Variants in PLPPR1 observed in about 807,000 individuals in gnomAD.
The protein encoded by PLPPR1 is phospholipid phosphatase related 1, also known as phospholipid phosphatase-related protein type 1.
Under a neutral mutation model 33.1 loss-of-function variants are expected in PLPPR1, and 10 were observed. The ratio of observed to expected loss-of-function variants is 0.30; its 90% CI spans 0.19 to 0.51. The LOEUF (loss-of-function observed/expected upper bound fraction) is 0.51. PLPPR1 is among the 20% of genes least tolerant of loss of function. PLPPR1 has a pLI of 0.97. For synonymous variants in PLPPR1, 151 were observed against 151.0 expected (o/e 1.00, Z 0.00); for missense variants, 304 against 408.1 (o/e 0.74, Z 2.20).
chr9:101,140,064 T>C (rs2118629780), intron 1 of PLPPR1, among the ~76,000 whole-genome samples: 1 of 152,256 alleles, frequency 6.6e-6, no homozygotes, highest in East Asian at 1.9e-4. Context: ...TGTGAATCTA[T>C]AACCTCCTCA....
At chr9:101,059,587 A>G (rs891468993) in intron 1 of PLPPR1, among the ~76,000 whole-genome samples, 3 of 152,130 alleles carry the variant, frequency 2.0e-5, no homozygotes, top group African/African-American at 7.2e-5. Flanking sequence ...GTTAATATCC[A>G]AAATATATAA....
chr9:101,053,704 C>G (rs1327834632), intron 1 of PLPPR1, among the ~76,000 whole-genome samples: 2 of 152,128 alleles, frequency 1.3e-5, no homozygotes. Context: ...GAAAGTACTT[C>G]TGTGTGGCTG....
intron 2 of PLPPR1, among the ~76,000 whole-genome samples, chr9:101,198,081 TAATA>T (rs57621895): frequency 0.13 from 19,560 of 152,186 alleles, 1,486 homozygotes; most frequent in East Asian, 0.3. Context: ...TATTTTAGAT[TAATA>T]AATTGTTCAT....
At chr9:101,078,318 C>T (rs1163668156) in intron 1 of PLPPR1, among the ~76,000 whole-genome samples, 7 of 148,832 alleles carry the variant, frequency 4.7e-5, no homozygotes, top group Non-Finnish European at 1.0e-4. Flanking sequence ...GTGAGCAGGT[C>T]CTGTTCAGAG....
At chr9:101,110,753 A>G (rs1330623389) in intron 1 of PLPPR1, among the ~76,000 whole-genome samples, 5 of 152,284 alleles carry the variant, frequency 3.3e-5, no homozygotes, top group Middle Eastern at 3.4e-3. Context: ...GCAGGGTGGC[A>G]TGGAGGAAGA....
chr9:101,116,661 A>G (rs1333613097), intron 1 of PLPPR1, among the ~76,000 whole-genome samples: 3 of 152,118 alleles, frequency 2.0e-5, no homozygotes, highest in Non-Finnish European at 4.4e-5. Flanking sequence ...AAAAATACAA[A>G]AAAGCTGGGT....
chr9:101,073,566 T>C (rs772811012), intron 1 of PLPPR1, among the ~76,000 whole-genome samples: 5 of 152,048 alleles, frequency 3.3e-5, no homozygotes, highest in Non-Finnish European at 7.4e-5. Flanking sequence ...GGTGGAGAAA[T>C]TGATTGTAGA....
At chr9:101,181,875 C>T (rs560009686) in intron 1 of PLPPR1, among the ~76,000 whole-genome samples, 1 of 148,426 alleles carries the variant, frequency 6.7e-6, no homozygotes, top group East Asian at 2.0e-4. Context: ...TATACACACA[C>T]ATATATATAC....
intron 1 of PLPPR1, among the ~76,000 whole-genome samples, chr9:101,173,476 T>A (rs1825975347): frequency 6.6e-6 from 1 of 152,142 alleles, no homozygotes; most frequent in East Asian, 1.9e-4. Context: ...ACAGCCCTGC[T>A]TTCTTCTGGA....
chr9:101,286,645 A>G (rs1460748098), intron 4 of PLPPR1, among the ~76,000 whole-genome samples: 1 of 152,164 alleles, frequency 6.6e-6, no homozygotes, highest in African/African-American at 2.4e-5. Flanking sequence ...TTTAACAAAG[A>G]GTGGGAAATC....
intron 2 of PLPPR1, among the ~76,000 whole-genome samples, chr9:101,195,320 C>T (rs913490424): frequency 6.6e-6 from 1 of 151,964 alleles, no homozygotes; most frequent in African/African-American, 2.4e-5. Flanking sequence ...TTCTTTATAG[C>T]CTAAATGATT....
At chr9:101,071,516 G>T (rs573562801) in intron 1 of PLPPR1, among the ~76,000 whole-genome samples, 1 of 152,152 alleles carries the variant, frequency 6.6e-6, no homozygotes, top group South Asian at 2.1e-4. Context: ...CTCCAGTGGG[G>T]AATGAGACAG....
At chr9:101,214,792 G>T (rs1826755843) in intron 2 of PLPPR1, among the ~76,000 whole-genome samples, 1 of 152,176 alleles carries the variant, frequency 6.6e-6, no homozygotes, top group Non-Finnish European at 1.5e-5. Flanking sequence ...GGAGGCCGAG[G>T]CAGGCAGATC....
rs143639865 is a variant in PLPPR1, at chr9:101,169,622, C to G, written c.-45-15828C>G. ...ATTGTTGTCTTAAAAAGACTAGTCT[C>G]TAACAGAGATGGCTTACTTTTTTAG... is the stretch of plus-strand genomic sequence containing the variant. On this transcript the variant is annotated intron_variant, in intron 1 of 7. Coordinates refer to ENST00000374874, the MANE Select transcript of PLPPR1 (RefSeq NM_207299.2). Among the ~76,000 whole-genome samples the G allele has an allele frequency of 3.6e-3, 548 of 152,114 alleles. 7 individuals are homozygous for G. The highest frequency in any genetic ancestry group is 0.013 in the African/African-American group (528 of 41,492).
intron 2 of PLPPR1, among the ~76,000 whole-genome samples, chr9:101,251,889 T>G (rs1361736551): frequency 6.6e-6 from 1 of 152,140 alleles, no homozygotes; most frequent in Non-Finnish European, 1.5e-5. Flanking sequence ...TTACATATTT[T>G]TAAATCTACC....
chr9:101,137,411 C>T (rs1831389732), intron 1 of PLPPR1, among the ~76,000 whole-genome samples: 1 of 152,060 alleles, frequency 6.6e-6, no homozygotes, highest in Non-Finnish European at 1.5e-5. Context: ...GGATAGGAAT[C>T]GATGGAAGAA....
intron 4 of PLPPR1, among the ~76,000 whole-genome samples, chr9:101,289,183 C>T (rs1395894423): frequency 6.6e-6 from 1 of 152,190 alleles, no homozygotes; most frequent in African/African-American, 2.4e-5. Flanking sequence ...ATTGCTACCC[C>T]TTCACTTTAC....
intron 1 of PLPPR1, among the ~76,000 whole-genome samples, chr9:101,085,573 A>G (rs1447015962): frequency 6.6e-6 from 1 of 152,188 alleles, no homozygotes; most frequent in Non-Finnish European, 1.5e-5. Context: ...ATTAAAAGAC[A>G]AAAGATACTA....
chr9:101,045,443 C>T (rs1830132630), intron 1 of PLPPR1, among the ~76,000 whole-genome samples: 1 of 152,020 alleles, frequency 6.6e-6, no homozygotes, highest in Non-Finnish European at 1.5e-5. Flanking sequence ...GTAAGTGAAC[C>T]AAAAGAGCAA....
Sources: allele counts gnomAD v4.1 joint callset (sites outside exome capture counted in the v4.1 genomes callset), GRCh38; gene constraint gnomAD v4.1.1; transcripts MANE v1.5; gene names NCBI Gene and HGNC (gene_info 2026-07-23, HGNC 2026-07-21).